The following CACNA2D3 variants were observed in gnomAD, a reference collection of about 807,000 sequenced individuals.
The protein encoded by CACNA2D3 is voltage-dependent calcium channel subunit alpha-2/delta-3.
A neutral mutation model predicts 160.6 loss-of-function variants in CACNA2D3; 60 were observed. The ratio of observed to expected loss-of-function variants is 0.37; its 90% CI spans 0.30 to 0.46. CACNA2D3 has a LOEUF of 0.46. Among genes scored for constraint, CACNA2D3 ranks in the 20% least tolerant of loss-of-function variants. The pLI, the probability that CACNA2D3 is intolerant of heterozygous loss-of-function variation, is 1.00. For missense variants in CACNA2D3, 1,205 were observed against 1,365.0 expected (o/e 0.88, Z 1.85); for synonymous variants, 558 against 492.9 (o/e 1.13, Z -1.75).
chr3:54,745,050 A>C (rs898186661), intron 11 of CACNA2D3, among the ~76,000 whole-genome samples: 1 of 152,248 alleles, frequency 6.6e-6, no homozygotes, highest in Non-Finnish European at 1.5e-5. Flanking sequence ...ACAGACACAG[A>C]AATGATTGTC....
intron 2 of CACNA2D3, among the ~76,000 whole-genome samples, chr3:54,311,992 G>A (rs1703753221): frequency 6.6e-6 from 1 of 152,130 alleles, no homozygotes; most frequent in Non-Finnish European, 1.5e-5. Flanking sequence ...GGGAACGTGA[G>A]GCTTCTTTCA....
intron 2 of CACNA2D3, among the ~76,000 whole-genome samples, chr3:54,191,397 A>ACAT (rs10533577): frequency 0.062 from 9,228 of 149,976 alleles, 329 homozygotes; most frequent in South Asian, 0.16. Context: ...TAAAACATCA[A>ACAT]CATCATCATC....
intron 4 of CACNA2D3, among the ~76,000 whole-genome samples, chr3:54,502,799 G>C (rs1249635106): frequency 6.6e-6 from 1 of 152,214 alleles, no homozygotes; most frequent in African/African-American, 2.4e-5. Flanking sequence ...AATCAGATGA[G>C]TTAACACATG....
chr3:54,245,622 A>C (rs1702057521), intron 2 of CACNA2D3, among the ~76,000 whole-genome samples: 1 of 152,188 alleles, frequency 6.6e-6, no homozygotes, highest in African/African-American at 2.4e-5. Flanking sequence ...CCATTGACAT[A>C]GTGCAGTTGT....
chr3:54,258,350 A>C (rs1476539705), intron 2 of CACNA2D3, among the ~76,000 whole-genome samples: 1 of 152,184 alleles, frequency 6.6e-6, no homozygotes, highest in African/African-American at 2.4e-5. Flanking sequence ...GGGGTGACCC[A>C]AGTAAATGAG....
At chr3:54,554,870 C>CTCTTTTTT (rs1274391923) in intron 5 of CACNA2D3, among the ~76,000 whole-genome samples, 11 of 96,168 alleles carry the variant, frequency 1.1e-4, no homozygotes, top group African/African-American at 4.2e-4. Flanking sequence ...CTCTCACTCT[C>CTCTTTTTT]TTTTTTTTTT....
intron 11 of CACNA2D3, among the ~76,000 whole-genome samples, chr3:54,739,751 ATGTGTGTGTGTG>A (rs5849058): frequency 0.34 from 50,101 of 145,714 alleles, 9,066 homozygotes; most frequent in Non-Finnish European, 0.41. Context: ...CTCCTCATAT[ATGTGTGTGTGTG>A]TGTGTGTGTG....
intron 17 of CACNA2D3, among the ~76,000 whole-genome samples, chr3:54,865,524 A>G (rs974531757): frequency 6.6e-6 from 1 of 152,220 alleles, no homozygotes; most frequent in African/African-American, 2.4e-5. Flanking sequence ...AGAGGCCTTG[A>G]TGTGCAGCTG....
At chr3:54,626,796 C>G in intron 9 of CACNA2D3, 1 of 615,744 alleles carries the variant, frequency 1.6e-6, no homozygotes, top group Non-Finnish European at 2.8e-6. Context: ...TTTTGGGTCA[C>G]TCATACATGC....
chr3:54,209,949 A>T (rs1701343757), intron 2 of CACNA2D3, among the ~76,000 whole-genome samples: 1 of 152,118 alleles, frequency 6.6e-6, no homozygotes, highest in Non-Finnish European at 1.5e-5. Context: ...GATGTTTGAG[A>T]ATGGATTTGG....
rs547128053 is a variant in CACNA2D3, at chr3:54,809,897, G to T, written c.1381-6956G>T. Among the ~76,000 whole-genome samples the T allele has an allele frequency of 1.6e-4, 25 of 152,054 alleles. 1 individual carries two copies. The South Asian group carries it at 4.2e-3, about 25-fold the overall frequency. On this transcript the variant is annotated intron_variant, in intron 13 of 37. Transcript: ENST00000474759. ...GTGAATAAGATAGATACAGTCCCTC[G>T]GTAGATCTTATATGGAGGTCATCAA...
chr3:54,824,258 T>C (rs1330663449), intron 14 of CACNA2D3, among the ~76,000 whole-genome samples: 1 of 152,196 alleles, frequency 6.6e-6, no homozygotes, highest in Non-Finnish European at 1.5e-5. Context: ...TGTCAGATGC[T>C]TAGAGCGACA....
At chr3:54,400,945 T>C (rs116092288) in intron 4 of CACNA2D3, among the ~76,000 whole-genome samples, 1 of 152,058 alleles carries the variant, frequency 6.6e-6, no homozygotes, top group African/African-American at 2.4e-5. Flanking sequence ...AGAATAATGA[T>C]TGTGAGGAAA....
At chr3:54,802,241 G>A (rs74929295) in intron 13 of CACNA2D3, among the ~76,000 whole-genome samples, 3,030 of 152,216 alleles carry the variant, frequency 0.02, 115 homozygotes, top group African/African-American at 0.069. Flanking sequence ...AAGAGCTAGA[G>A]AAGGAAGGTG....
intron 27 of CACNA2D3, among the ~76,000 whole-genome samples, chr3:54,921,666 GC>G (rs1700854846): frequency 6.6e-6 from 1 of 151,980 alleles, no homozygotes; most frequent in African/African-American, 2.4e-5. Flanking sequence ...CGTGTAATCC[GC>G]CATGCATTTT....
At chr3:54,731,776 T>C (rs1218276486) in intron 11 of CACNA2D3, among the ~76,000 whole-genome samples, 1 of 152,092 alleles carries the variant, frequency 6.6e-6, no homozygotes, top group Non-Finnish European at 1.5e-5. Context: ...AGTTCTCTGA[T>C]TTTAAATGAG....
chr3:54,399,577 G>A (rs372694935), intron 4 of CACNA2D3, among the ~76,000 whole-genome samples: 7 of 24,566 alleles, frequency 2.8e-4, no homozygotes, highest in Admixed American at 4.9e-4. Context: ...ATACCCTGCC[G>A]TGTGAGGTGT....
At chr3:54,727,673 T>G (rs1701303793) in intron 11 of CACNA2D3, among the ~76,000 whole-genome samples, 1 of 152,146 alleles carries the variant, frequency 6.6e-6, no homozygotes, top group African/African-American at 2.4e-5. Flanking sequence ...AGCCAAACAC[T>G]GCATGTTCTC....
chr3:54,547,830 A>G (rs970743458), intron 5 of CACNA2D3, among the ~76,000 whole-genome samples: 20 of 151,878 alleles, frequency 1.3e-4, no homozygotes, highest in Non-Finnish European at 2.8e-4. Flanking sequence ...GACTACAGGG[A>G]TCCACCACTG....
Sources: allele counts gnomAD v4.1 joint callset (sites outside exome capture counted in the v4.1 genomes callset), GRCh38; gene constraint gnomAD v4.1.1; transcripts MANE v1.5; gene names NCBI Gene and HGNC (gene_info 2026-07-23, HGNC 2026-07-21).